HSPA4: variants seen among roughly 807,000 people sequenced by gnomAD.
The protein encoded by HSPA4 is heat shock protein family A (Hsp70) member 4, also known as heat shock 70 kDa protein 4.
HSPA4 carries 25 observed loss-of-function variants against 106.2 expected under a neutral mutation model. That is an observed-to-expected ratio of 0.24 (90% confidence interval 0.17 to 0.33). The LOEUF (loss-of-function observed/expected upper bound fraction) is 0.33, where lower values mean the gene tolerates loss of function less well. Ranked by LOEUF, HSPA4 falls within the 10% of genes least tolerant of loss-of-function variation. HSPA4 has a pLI of 1.00. For synonymous variants in HSPA4, 332 were observed against 333.6 expected, an observed-to-expected ratio of 1.00 and a Z score of 0.05; for missense variants, 841 against 996.0, an observed-to-expected ratio of 0.84 and a Z score of 2.10.
intron 5 of HSPA4, 140 bp downstream of exon 5, chr5:133,073,469 A>G: frequency 1.6e-6 from 1 of 615,170 alleles, no homozygotes; most frequent in East Asian, 2.8e-5. Context: ...GTGTTTTTGG[A>G]TACTGTGTCA....
At chr5:133,062,781 G>A (rs903949942) in intron 1 of HSPA4, among the ~76,000 whole-genome samples, 9 of 152,234 alleles carry the variant, frequency 5.9e-5, no homozygotes, top group African/African-American at 1.9e-4. Flanking sequence ...TAGAAGTCAT[G>A]GCTTCCTGTG....
chr5:133,062,256 C>T (rs1765254410), intron 1 of HSPA4, among the ~76,000 whole-genome samples: 1 of 152,086 alleles, frequency 6.6e-6, no homozygotes, highest in Non-Finnish European at 1.5e-5. Flanking sequence ...GGAAATTAAC[C>T]CTTCAGCAGG....
chr5:133,103,792 G>C (rs1765819726), intron 17 of HSPA4, 73 bp from the exon 18 acceptor site: 1 of 1,237,290 alleles, frequency 8.1e-7, no homozygotes, highest in African/African-American at 1.5e-5. Flanking sequence ...AAAAATGGCA[G>C]AAACTAGACA....
rs543412583 is a variant in HSPA4 at position 133,099,308 on chromosome 5, T to G, written c.1930-237T>G. On this transcript the variant is annotated intron_variant, in intron 15 of 18. Coordinates refer to ENST00000304858, the MANE Select transcript of HSPA4 (RefSeq NM_002154.4). ...TCACGCCCGGGTAATTTTTTTTGTA[T>G]TTTTAGTGGAGACGGGGTTTCACCA... 2.0e-5 allele frequency among the ~76,000 whole-genome samples: 3 copies of G among 151,948 alleles called. No homozygotes were observed. In the East Asian group the frequency reaches 5.9e-4, roughly 30 times the overall value.
In HSPA4 at chr5:133,089,734, AAAAG is replaced by A. The variant is rs745685388; in HGVS notation, c.1378+40_1378+43del. ...TGGAAATTAAAAAAGAAAAAAAAAA[AAAAG>A]CACAGTGGCTCACAACTGTAATCCC... On this transcript the variant is annotated intron_variant, in intron 11 of 18. Coordinates refer to ENST00000304858, the MANE Select transcript of HSPA4 (RefSeq NM_002154.4). The A allele has an allele frequency of 1.3e-5, 19 of 1,467,374 alleles. No individual in the cohort carries two copies. The East Asian group carries it at 3.9e-4, about 30-fold the overall frequency. The allele number at this position is 1,467,374 out of a possible 1,614,324, so 90.9% of individuals were successfully genotyped here.
chr5:133,079,560 A>G (rs989536787), intron 7 of HSPA4, among the ~76,000 whole-genome samples: 15 of 152,184 alleles, frequency 9.9e-5, no homozygotes, highest in Admixed American at 5.2e-4. Context: ...TTGGGTTTCT[A>G]CTTTTTAGCT....
Position 133,103,914 on chromosome 5 carries a change from A to C in HSPA4, c.2207A>C (p.Lys736Thr). 6.2e-7 allele frequency: 1 copy of C among 1,614,148 alleles called. No individual in the cohort carries two copies. Among genetic ancestry groups the C allele is most frequent in the Non-Finnish European group, 8.5e-7 (1 of 1,180,002 alleles). ...GCTGCTGACATGACAAAGGTAGAAA[A>C]AAGCACAAATGAAGCAATGGAGTGG... ...LDAADMTKVEKSTNEAMEWMN... is the reference protein window; with the variant it reads ...LDAADMTKVETSTNEAMEWMN... Residue 736 changes from lysine (K) to threonine (T), a missense_variant, in exon 18 of 19, where the codon AAA becomes ACA. Transcript: ENST00000304858.
At chr5:133,064,528 G>C (rs541815070) in intron 1 of HSPA4, among the ~76,000 whole-genome samples, 3 of 152,248 alleles carry the variant, frequency 2.0e-5, no homozygotes, top group Admixed American at 2.0e-4. Context: ...TGAGTGCCTG[G>C]AAACTAGTTG....
intron 16 of HSPA4, among the ~76,000 whole-genome samples, chr5:133,100,735 C>G (rs778921457): frequency 6.6e-6 from 1 of 152,176 alleles, no homozygotes; most frequent in Non-Finnish European, 1.5e-5. Context: ...GCCTTTTGTT[C>G]AGAAAAGGTT....
At chr5:133,059,817 T>C (rs564499972) in intron 1 of HSPA4, among the ~76,000 whole-genome samples, 1 of 152,276 alleles carries the variant, frequency 6.6e-6, no homozygotes, top group Non-Finnish European at 1.5e-5. Context: ...ACCAGAAGGC[T>C]CTGTAATGAG....
chr5:133,101,772 C>T lies in HSPA4; in HGVS notation c.2051C>T (p.Pro684Leu). The T allele has an allele frequency of 6.2e-7, 1 of 1,610,800 alleles. No homozygotes were observed. The highest frequency in any genetic ancestry group is 8.5e-7 in the Non-Finnish European group (1 of 1,178,828). ...KLAELKNLGQ[P>L]IKIRFQESEE... ...TCTTCTGTTAAGAATCTAGGTCAAC[C>T]TATTAAGATACGTTTCCAGGAATCT... Residue 684 changes from proline (P) to leucine (L), a missense_variant, in exon 17 of 19, where the codon CCT becomes CTT. This residue lies in a region of HSPA4 where 328 missense variants were observed against 372.2 expected (regional missense o/e 0.88). Transcript: ENST00000304858.
chr5:133,101,737 G>T, intron 16 of HSPA4, 22 bp from the exon 17 acceptor site: 1 of 1,602,342 alleles, frequency 6.2e-7, no homozygotes, highest in South Asian at 1.1e-5. Context: ...GCCGTATGAA[G>T]ACTGTGTATT....
intron 2 of HSPA4, among the ~76,000 whole-genome samples, chr5:133,065,451 T>G (rs913135020): frequency 6.6e-6 from 1 of 152,246 alleles, no homozygotes; most frequent in Non-Finnish European, 1.5e-5. Flanking sequence ...CTGTGGATTT[T>G]GGTCTAATTC....
intron 14 of HSPA4, 105 bp from the exon 15 acceptor site, chr5:133,097,056 A>G (rs918811023): frequency 5.7e-6 from 5 of 869,794 alleles, no homozygotes; most frequent in African/African-American, 3.4e-5. Context: ...TTGCAGAACT[A>G]AAAGGATTTG....
chr5:133,073,259 A>G lies in HSPA4; in HGVS notation c.459A>G (p.Arg153=), dbSNP rs1379575046. 1.2e-6 allele frequency: 2 copies of G among 1,609,750 alleles called. No individual in the cohort carries two copies. Among genetic ancestry groups the G allele is most frequent in the Non-Finnish European group, 1.7e-6 (2 of 1,177,628 alleles). The change falls in exon 5 of 19, where the codon AGA becomes AGG. Residue 153 remains arginine (R), a synonymous_variant. Transcript: ENST00000304858. The part of the protein sequence containing the change: ...SVPCFYTDAE[R]RSVMDATQIA... ...CTTGTTTCTATACTGATGCAGAAAG[A>G]CGATCAGTGATGGATGCAACACAGA...
intron 11 of HSPA4, 41 bp downstream of exon 11, chr5:133,089,736 A>T: frequency 7.0e-7 from 1 of 1,436,972 alleles, no homozygotes; most frequent in Non-Finnish European, 9.3e-7. Context: ...AAAAAAAAAA[A>T]AGCACAGTGG....
At chr5:133,085,489 T>TTAAAAAAAAAAAAAAAAAAAAA (rs1554089513) in intron 7 of HSPA4, among the ~76,000 whole-genome samples, 2 of 110,288 alleles carry the variant, frequency 1.8e-5, no homozygotes, top group African/African-American at 1.0e-4. Flanking sequence ...CCATCTCTAC[T>TTAAAAAAAAAAAAAAAAAAAAA]AAAAAAAAAA....
chr5:133,103,741 G>A (rs1329924614), intron 17 of HSPA4, 124 bp from the exon 18 acceptor site: 1 of 733,578 alleles, frequency 1.4e-6, no homozygotes, highest in Non-Finnish European at 2.2e-6. Context: ...CAGATTGTGA[G>A]GCTAAATATG....
chr5:133,097,356 A>G, intron 15 of HSPA4, 70 bp downstream of exon 15: 2 of 1,424,042 alleles, frequency 1.4e-6, no homozygotes, highest in Non-Finnish European at 2.0e-6. Flanking sequence ...TTAGAAGGGA[A>G]GTGTGCAGCT....
Sources: gnomAD v4.1 joint callset for allele counts (sites outside exome capture counted in the v4.1 genomes callset) on GRCh38, gnomAD v4.1.1 for gene constraint, gnomAD v4.1.1 regional missense constraint, MANE v1.5 for transcripts, NCBI Gene and HGNC (gene_info 2026-07-23, HGNC 2026-07-21) for gene names.